BANK1: variants seen among roughly 807,000 people sequenced by gnomAD.
BANK1 encodes B cell scaffold protein with ankyrin repeats 1, also known as B-cell scaffold protein with ankyrin repeats.
BANK1 carries 95 observed loss-of-function variants against 94.5 expected under a neutral mutation model. That is an observed-to-expected ratio of 1.00 (90% CI 0.85 to 1.19). The LOEUF (loss-of-function observed/expected upper bound fraction) is 1.19. Ranked by LOEUF, BANK1 falls within the 50% of genes most tolerant of loss-of-function variation. BANK1 has a pLI of 0.00. For missense variants in BANK1, 987 were observed against 932.2 expected (o/e 1.06, Z -0.77); for synonymous variants, 334 against 308.4 (o/e 1.08, Z -0.87).
At chr4:101,897,503 C>T (rs151166130) in intron 6 of BANK1, among the ~76,000 whole-genome samples, 7 of 152,038 alleles carry the variant, frequency 4.6e-5, no homozygotes, top group East Asian at 1.9e-4. Context: ...TGGGTTATAT[C>T]GGAGTCCCTG....
At position 101,790,967 on chromosome 4, in the gene BANK1, T is replaced by G. The variant is rs1379659512; in HGVS notation, c.70+17T>G. ...CGCCCCCAGGTGGGTAGTCGCGCAT[T>G]CGGAGGGGCTTGACGCCGAGGCCGG... On this transcript the variant is annotated intron_variant, in intron 1 of 16. Transcript: ENST00000322953. 1.3e-6 allele frequency: 2 copies of G among 1,488,862 alleles called. No individual in the cohort carries two copies. Among genetic ancestry groups the G allele is most frequent in the Non-Finnish European group, 1.8e-6 (2 of 1,125,544 alleles). The allele number at this position is 1,488,862 out of a possible 1,614,324, so 92.2% of individuals were successfully genotyped here.
chr4:101,877,740 C>A (rs1337464800), intron 5 of BANK1, among the ~76,000 whole-genome samples: 1 of 151,998 alleles, frequency 6.6e-6, no homozygotes, highest in Admixed American at 6.6e-5. Flanking sequence ...CAAAAATTAG[C>A]CAGGCATGGT....
chr4:101,875,115 G>A (rs540287227), intron 5 of BANK1, among the ~76,000 whole-genome samples: 8 of 152,214 alleles, frequency 5.3e-5, no homozygotes, highest in Admixed American at 2.0e-4. Flanking sequence ...CTGGTTTAAC[G>A]TTATATCACT....
intron 5 of BANK1, among the ~76,000 whole-genome samples, chr4:101,880,339 A>T (rs1471416296): frequency 6.6e-6 from 1 of 152,094 alleles, no homozygotes; most frequent in Non-Finnish European, 1.5e-5. Flanking sequence ...CATTTACTGT[A>T]GCCACAAATA....
intron 11 of BANK1, among the ~76,000 whole-genome samples, chr4:102,050,439 A>C (rs936839927): frequency 6.6e-6 from 1 of 152,232 alleles, no homozygotes; most frequent in African/African-American, 2.4e-5. Flanking sequence ...CCTATCTTAG[A>C]TATGGACTAA....
chr4:101,876,203 C>T (rs910642940), intron 5 of BANK1, among the ~76,000 whole-genome samples: 1 of 152,212 alleles, frequency 6.6e-6, no homozygotes, highest in Admixed American at 6.5e-5. Flanking sequence ...CCAGGTACTA[C>T]ATCAAGGGCC....
chr4:102,023,244 G>A (rs1726975031), intron 8 of BANK1, among the ~76,000 whole-genome samples: 1 of 152,134 alleles, frequency 6.6e-6, no homozygotes, highest in Non-Finnish European at 1.5e-5. Flanking sequence ...GCCTTCACTA[G>A]CATACTTTGG....
At chr4:101,913,017 A>G (rs1722716093) in intron 6 of BANK1, among the ~76,000 whole-genome samples, 1 of 152,204 alleles carries the variant, frequency 6.6e-6, no homozygotes, top group Non-Finnish European at 1.5e-5. Context: ...TGAAACCCAT[A>G]TAAAGGCCAA....
At chr4:101,865,213 A>C (rs1057313002) in intron 4 of BANK1, among the ~76,000 whole-genome samples, 7 of 152,140 alleles carry the variant, frequency 4.6e-5, no homozygotes, top group African/African-American at 1.7e-4. Flanking sequence ...GCTGGAGAAA[A>C]CGATGAACTA....
At chr4:101,906,739 TACTC>T (rs1290422217) in intron 6 of BANK1, among the ~76,000 whole-genome samples, 1 of 152,302 alleles carries the variant, frequency 6.6e-6, no homozygotes, top group African/African-American at 2.4e-5. Flanking sequence ...CTCCCCTTCT[TACTC>T]ACCACGGGGA....
chr4:101,834,981 TAA>T (rs1289193446), intron 2 of BANK1, among the ~76,000 whole-genome samples: 2 of 152,266 alleles, frequency 1.3e-5, no homozygotes, highest in Non-Finnish European at 2.9e-5. Flanking sequence ...TTATTTCCTT[TAA>T]AGGAATTAAG....
intron 7 of BANK1, among the ~76,000 whole-genome samples, chr4:102,001,167 A>G (rs2850383): frequency 0.36 from 55,302 of 152,052 alleles, 10,797 homozygotes; most frequent in Non-Finnish European, 0.43. Context: ...ACTGAAGTCT[A>G]TGTGAATAAA....
intron 1 of BANK1, among the ~76,000 whole-genome samples, chr4:101,823,847 G>A (rs1310336165): frequency 6.6e-6 from 1 of 152,130 alleles, no homozygotes; most frequent in Non-Finnish European, 1.5e-5. Context: ...TTATGTGTTG[G>A]TACCTTCCTG....
At chr4:101,865,059 G>A (rs1432702775) in intron 4 of BANK1, among the ~76,000 whole-genome samples, 1 of 152,124 alleles carries the variant, frequency 6.6e-6, no homozygotes, top group East Asian at 1.9e-4. Flanking sequence ...AAGAAGGGTT[G>A]GAGACAGGAG....
At chr4:101,977,874 A>G (rs549739339) in intron 7 of BANK1, among the ~76,000 whole-genome samples, 1 of 152,298 alleles carries the variant, frequency 6.6e-6, no homozygotes, top group East Asian at 1.9e-4. Flanking sequence ...ACTCACCACA[A>G]ATCAAATATT....
At chr4:101,854,937 A>T in intron 2 of BANK1, 98 bp from the exon 3 acceptor site, 1 of 877,484 alleles carries the variant, frequency 1.1e-6, no homozygotes, top group Non-Finnish European at 1.8e-6. Context: ...GGTTTCCCGT[A>T]TATTAAATTG....
intron 7 of BANK1, among the ~76,000 whole-genome samples, chr4:101,926,190 G>A (rs758489165): frequency 1.3e-5 from 2 of 151,422 alleles, no homozygotes; most frequent in Non-Finnish European, 1.5e-5. Context: ...TCATGTAAAG[G>A]CCTCTCCAGG....
chr4:102,005,071 T>TA (rs544511987), intron 7 of BANK1, among the ~76,000 whole-genome samples: 114 of 152,168 alleles, frequency 7.5e-4, no homozygotes, highest in Non-Finnish European at 1.5e-3. Flanking sequence ...GCACGGCATT[T>TA]AAAAAATCTT....
intron 11 of BANK1, among the ~76,000 whole-genome samples, chr4:102,057,260 T>TTCTCTC (rs900964613): frequency 6.9e-6 from 1 of 145,016 alleles, no homozygotes. Context: ...CTCTTTCTCT[T>TTCTCTC]TCTCTCTCTC....
Sources: gnomAD v4.1 joint callset for allele counts (sites outside exome capture counted in the v4.1 genomes callset) on GRCh38, gnomAD v4.1.1 for gene constraint, MANE v1.5 for transcripts, NCBI Gene and HGNC (gene_info 2026-07-23, HGNC 2026-07-21) for gene names.